FAM222A: variants seen among roughly 807,000 people sequenced by gnomAD.
FAM222A encodes the protein family with sequence similarity 222 member A, also known as protein FAM222A.
A neutral mutation model predicts 25.8 loss-of-function variants in FAM222A; 7 were observed. The observed-to-expected ratio is 0.27, with a 90% CI of 0.15 to 0.51. FAM222A has a LOEUF of 0.51. Ranked by LOEUF, FAM222A falls within the 20% of genes least tolerant of loss-of-function variation. The pLI is 0.97. For missense variants in FAM222A, 573 were observed against 640.5 expected, an observed-to-expected ratio of 0.89 and a Z score of 1.14; for synonymous variants, 294 against 298.8, an observed-to-expected ratio of 0.98 and a Z score of 0.17.
chr12:109,760,526 C>T (rs1888862750), intron 2 of FAM222A, among the ~76,000 whole-genome samples: 2 of 152,206 alleles, frequency 1.3e-5, no homozygotes, highest in South Asian at 2.1e-4. Flanking sequence ...TGGACCACAT[C>T]CCGCCCACCT....
intron 2 of FAM222A, among the ~76,000 whole-genome samples, chr12:109,745,661 G>GGGTTT (rs1308471647): frequency 6.6e-6 from 1 of 152,126 alleles, no homozygotes; most frequent in Non-Finnish European, 1.5e-5. Context: ...ATCACAATGT[G>GGGTTT]GGTTTGGTTT....
Position 109,757,396 on chromosome 12 carries a change from G to A in FAM222A, c.83-10616G>A, listed in dbSNP as rs187887998. Among the ~76,000 whole-genome samples the A allele has an allele frequency of 1.6e-3, 245 of 152,320 alleles. 1 individual carries two copies. The highest frequency in any genetic ancestry group is 2.5e-3 in the Non-Finnish European group (170 of 68,018). On this transcript the variant is annotated intron_variant, in intron 2 of 2. Transcript: ENST00000538780. ...GCTTCAAGTTGAGACAGTGGGATCA[G>A]CACAAGGACCAGGAGACAAAGCAGG...
intron 1 of FAM222A, among the ~76,000 whole-genome samples, chr12:109,738,762 G>C (rs1888153547): frequency 1.3e-5 from 2 of 152,200 alleles, no homozygotes; most frequent in Admixed American, 1.3e-4. Context: ...CCCACACCTT[G>C]TACACAGCTG....
intron 1 of FAM222A, among the ~76,000 whole-genome samples, chr12:109,717,831 T>A (rs558881551): frequency 6.6e-6 from 1 of 152,322 alleles, no homozygotes; most frequent in South Asian, 2.1e-4. Context: ...GTCCATCCCC[T>A]GTCCCTTCTG....
chr12:109,755,287 C>CT (rs540689300), intron 2 of FAM222A, among the ~76,000 whole-genome samples: 8 of 49,426 alleles, frequency 1.6e-4, no homozygotes, highest in South Asian at 9.9e-4. Context: ...TGTAATTCTT[C>CT]TTTTTTTTTT....
intron 1 of FAM222A, among the ~76,000 whole-genome samples, chr12:109,723,533 T>C (rs572125933): frequency 6.7e-6 from 1 of 149,862 alleles, no homozygotes; most frequent in Non-Finnish European, 1.5e-5. Context: ...AGGGCCAGAC[T>C]GGTGATTAGC....
intron 2 of FAM222A, among the ~76,000 whole-genome samples, chr12:109,765,581 C>T (rs1017188366): frequency 6.6e-6 from 1 of 152,218 alleles, no homozygotes; most frequent in Non-Finnish European, 1.5e-5. Flanking sequence ...TGGCCCAGGA[C>T]TTAACCAGGA....
intron 1 of FAM222A, among the ~76,000 whole-genome samples, chr12:109,729,933 G>T (rs574818939): frequency 6.6e-6 from 1 of 152,260 alleles, no homozygotes; most frequent in Admixed American, 6.5e-5. Context: ...TAGCTGACCT[G>T]CCTGAGGCTG....
intron 2 of FAM222A, among the ~76,000 whole-genome samples, chr12:109,756,071 G>C (rs1299834232): frequency 6.6e-6 from 1 of 152,192 alleles, no homozygotes; most frequent in Non-Finnish European, 1.5e-5. Context: ...TCTTATTATT[G>C]TCTTCCAATC....
At chr12:109,757,175 A>G (rs1888755189) in intron 2 of FAM222A, among the ~76,000 whole-genome samples, 1 of 152,242 alleles carries the variant, frequency 6.6e-6, no homozygotes, top group African/African-American at 2.4e-5. Flanking sequence ...TTTTTTAAAG[A>G]CCTAAATAAA....
At chr12:109,736,134 C>A (rs1177735781) in intron 1 of FAM222A, among the ~76,000 whole-genome samples, 1 of 152,230 alleles carries the variant, frequency 6.6e-6, no homozygotes, top group Non-Finnish European at 1.5e-5. Flanking sequence ...CCTGGCCCTG[C>A]ATAGGTGAGG....
At position 109,718,299 on chromosome 12, in the gene FAM222A, CCCCACCCA is replaced by C. The variant is rs146032735; in HGVS notation, c.-47+3412_-47+3419del. On this transcript the variant is annotated intron_variant, in intron 1 of 2. Transcript: ENST00000538780. Reference sequence around the variant, plus strand: ...CAGGGGCTTCTCTGTCCACTGAGGCCCCCACCCACCCACCCACATGGTGAGCACCGGTG... The same window carrying C: ...CAGGGGCTTCTCTGTCCACTGAGGCCCCCACCCACATGGTGAGCACCGGTG... 1.1e-3 allele frequency among the ~76,000 whole-genome samples: 153 copies of C among 136,626 alleles called. 1 individual carries two copies. Among genetic ancestry groups the C allele is most frequent in the Non-Finnish European group, 1.6e-4 (10 of 63,004 alleles). 89.6% of individuals were successfully genotyped at this position (136,626 alleles called of 152,430 possible). A position where few individuals can be genotyped will look rare whatever the true frequency, so the allele number is the denominator to read the frequency against.
At chr12:109,746,095 T>G (rs1000437737) in intron 2 of FAM222A, among the ~76,000 whole-genome samples, 1 of 152,246 alleles carries the variant, frequency 6.6e-6, no homozygotes, top group African/African-American at 2.4e-5. Flanking sequence ...TTTCCTTTTA[T>G]GGCATTGGAT....
chr12:109,769,112 A>T lies in FAM222A; in HGVS notation c.1183A>T (p.Ser395Cys), dbSNP rs756389699. The T allele has an allele frequency of 3.1e-6, 5 of 1,611,356 alleles. No homozygotes were observed. The highest frequency in any genetic ancestry group is 1.3e-5 in the African/African-American group (1 of 74,894). Reference protein sequence around the residue: ...ADALSGLPSKSVCNTSVLSSS... With the variant: ...ADALSGLPSKCVCNTSVLSSS... The stretch of plus-strand genomic sequence containing the variant: ...TGCCCTCTCGGGCCTGCCCAGCAAG[A>T]GTGTGTGCAACACATCGGTGCTGAG... The change falls in exon 3 of 3, where the codon AGT becomes TGT. Residue 395 changes from serine to cysteine, a missense_variant. Transcript: ENST00000538780.
chr12:109,724,630 T>C (rs1887808645), intron 1 of FAM222A, among the ~76,000 whole-genome samples: 1 of 152,214 alleles, frequency 6.6e-6, no homozygotes, highest in African/African-American at 2.4e-5. Context: ...TCGATTCTCA[T>C]GCCACCCCAT....
intron 1 of FAM222A, among the ~76,000 whole-genome samples, chr12:109,715,979 C>T (rs527290743): frequency 3.6e-4 from 55 of 152,344 alleles, no homozygotes; most frequent in African/African-American, 1.2e-3. Flanking sequence ...AGGGGCTCCC[C>T]ATGCTGTTCT....
chr12:109,736,673 G>A (rs980049178), intron 1 of FAM222A, among the ~76,000 whole-genome samples: 11 of 152,204 alleles, frequency 7.2e-5, no homozygotes, highest in Admixed American at 6.5e-4. Flanking sequence ...GGCCTGGCCT[G>A]GCACATAGTT....
intron 2 of FAM222A, among the ~76,000 whole-genome samples, chr12:109,765,956 T>C (rs1889037016): frequency 1.3e-5 from 2 of 152,210 alleles, no homozygotes; most frequent in South Asian, 4.1e-4. Flanking sequence ...CCAGCCATCT[T>C]GGGAAGTAGT....
chr12:109,728,813 A>C (rs1298667020), intron 1 of FAM222A, among the ~76,000 whole-genome samples: 10 of 152,324 alleles, frequency 6.6e-5, no homozygotes, highest in African/African-American at 2.4e-4. Flanking sequence ...CAAACAGGTC[A>C]GTGACAGGGC....
Sources: gnomAD v4.1 joint callset for allele counts (sites outside exome capture counted in the v4.1 genomes callset) on GRCh38, gnomAD v4.1.1 for gene constraint, MANE v1.5 for transcripts, NCBI Gene and HGNC (gene_info 2026-07-23, HGNC 2026-07-21) for gene names.